Variants in NIF3L1 observed in about 807,000 individuals in gnomAD.
NIF3L1 encodes NIF3-like protein 1.
NIF3L1 carries 26 observed loss-of-function variants against 35.0 expected under a neutral mutation model. The ratio of observed to expected loss-of-function variants is 0.74; its 90% CI spans 0.54 to 1.03. The LOEUF is 1.03. NIF3L1 is among the 50% of genes least tolerant of loss of function. NIF3L1 has a pLI of 0.00. For missense variants in NIF3L1, 449 were observed against 466.3 expected (o/e 0.96, Z 0.34); for synonymous variants, 157 against 178.9 (o/e 0.88, Z 0.98).
Position 200,895,258 on chromosome 2 carries a change from C to A in NIF3L1, c.600-6C>A. 1.2e-6 allele frequency: 2 copies of A among 1,613,456 alleles called. No individual in the cohort carries two copies. Among genetic ancestry groups the A allele is most frequent in the Admixed American group, 3.3e-5 (2 of 60,006 alleles). On this transcript the variant is annotated splice_region_variant and splice_polypyrimidine_tract_variant and intron_variant, in intron 3 of 6. Transcript: ENST00000409020. ...TGTCCTAAATGGAGTGATTTTTCCC[C>A]CCTAGGACTGGTAATGAGGAACAAA...
At chr2:200,891,851 G>A (rs566179802) in intron 1 of NIF3L1, 67 bp from the exon 2 acceptor site, 30 of 976,004 alleles carry the variant, frequency 3.1e-5, no homozygotes, top group Middle Eastern at 2.2e-4. Context: ...TTGCCCATAT[G>A]TTTTGATGCC....
Position 200,889,407 on chromosome 2 carries a change from T to C in NIF3L1, c.-272T>C, listed in dbSNP as rs2040114146. The C allele has an allele frequency of 4.1e-6, 1 of 241,938 alleles. No homozygotes were observed. Among genetic ancestry groups the C allele is most frequent in the Non-Finnish European group, 8.4e-6 (1 of 118,666 alleles). 15.0% of individuals were successfully genotyped at this position (241,938 alleles called of 1,614,324 possible). On this transcript the variant is annotated 5_prime_UTR_variant, in exon 1 of 7. Transcript: ENST00000409020. The stretch of plus-strand genomic sequence containing the variant: ...TCCGGGACTGGTGAGTAGTGGGCGA[T>C]TTAAAAACCCGCGAGTGTAGTTGTG...
rs750278681 is a variant in NIF3L1 at position 200,895,372 on chromosome 2, A to T, written c.708A>T (p.Glu236Asp). The change falls in exon 4 of 7, where the codon GAA becomes GAT. Residue 236 changes from glutamate to aspartate, a missense_variant. Transcript: ENST00000409020. ...ACAAACAACTTTATCAGAAGACGGA[A>T]ATTCTGTCACTGGAGAAGGTAATAA... is the stretch of plus-strand genomic sequence containing the variant. ...SRNKQLYQKT[E>D]ILSLEKPLLL... The T allele has an allele frequency of 1.9e-6, 3 of 1,613,906 alleles. No homozygotes were observed. The highest frequency in any genetic ancestry group is 2.7e-5 in the African/African-American group (2 of 74,920).
intron 1 of NIF3L1, among the ~76,000 whole-genome samples, chr2:200,891,484 T>C (rs766520647): frequency 2.6e-5 from 4 of 152,060 alleles, no homozygotes; most frequent in Non-Finnish European, 5.9e-5. Context: ...GGAAGGATGC[T>C]GAAAAGGGAG....
In NIF3L1 at chr2:200,898,785, T is replaced by C. The variant is rs534086460; in HGVS notation, c.866-600T>C. Among the ~76,000 whole-genome samples, 4 of 152,318 alleles carry C rather than the reference T, an allele frequency of 2.6e-5. No homozygotes were observed. The South Asian group carries it at 6.2e-4, about 24-fold the overall frequency. ...CCAGAGGATGCTTTTTGAGAATAAATAGTATATTTAAAAATAGTGCCAAAT... is the reference window on the plus strand; with the variant it reads ...CCAGAGGATGCTTTTTGAGAATAAACAGTATATTTAAAAATAGTGCCAAAT... On this transcript the variant is annotated intron_variant, in intron 5 of 6. Coordinates refer to ENST00000409020, the MANE Select transcript of NIF3L1 (RefSeq NM_001369441.2).
chr2:200,896,041 C>T (rs1220760822), intron 4 of NIF3L1, among the ~76,000 whole-genome samples: 1 of 150,092 alleles, frequency 6.7e-6, no homozygotes, highest in Non-Finnish European at 1.5e-5. Flanking sequence ...CAAGTTTTCA[C>T]ATTCCTCCTT....
At chr2:200,903,082 A>G (rs2040435019) in intron 6 of NIF3L1, among the ~76,000 whole-genome samples, 1 of 152,138 alleles carries the variant, frequency 6.6e-6, no homozygotes, top group Non-Finnish European at 1.5e-5. Context: ...GCTCACTGCA[A>G]CCTCCAGGCC....
At chr2:200,890,994 C>G (rs2040176738) in intron 1 of NIF3L1, among the ~76,000 whole-genome samples, 2 of 145,232 alleles carry the variant, frequency 1.4e-5, no homozygotes, top group Admixed American at 1.4e-4. Context: ...GAGTGTTGCT[C>G]TCTCGCCAGG....
chr2:200,903,578 G>T lies in NIF3L1; in HGVS notation c.1034G>T (p.Gly345Val). ...ILCEHSNTER[G>V]FLSDLRDMLD... ...TGTGAACACAGCAACACTGAACGAGGCTTTCTTTCTGACCTTCGAGATATG... is the reference window on the plus strand; with the variant it reads ...TGTGAACACAGCAACACTGAACGAGTCTTTCTTTCTGACCTTCGAGATATG... Residue 345 changes from glycine (G) to valine (V), a missense_variant, in exon 7 of 7, where the codon GGC (glycine) becomes GTC (valine). Transcript: ENST00000409020. 6.2e-7 allele frequency: 1 copy of T among 1,613,988 alleles called. No individual in the cohort carries two copies. The highest frequency in any genetic ancestry group is 8.5e-7 in the Non-Finnish European group (1 of 1,179,894).
At position 200,892,314 on chromosome 2, in the gene NIF3L1, A is replaced by C. The variant is rs768502613; in HGVS notation, c.371A>C (p.Tyr124Ser). ...IRALENRVGI[Y>S]SPHTAYDAAP... ...GCTCTGGAGAACAGAGTCGGTATCT[A>C]CTCTCCTCATACAGCCTATGATGCT... is the stretch of plus-strand genomic sequence containing the variant. Residue 124 changes from tyrosine (Y) to serine (S), a missense_variant, in exon 2 of 7, where the codon TAC becomes TCC. Coordinates refer to ENST00000409020, the MANE Select transcript of NIF3L1 (RefSeq NM_001369441.2). 1.9e-6 allele frequency: 3 copies of C among 1,613,360 alleles called. No individual in the cohort carries two copies. The highest frequency in any genetic ancestry group is 1.1e-5 in the South Asian group (1 of 91,082).
intron 6 of NIF3L1, among the ~76,000 whole-genome samples, chr2:200,902,339 G>A (rs1184028534): frequency 6.6e-6 from 1 of 152,110 alleles, no homozygotes; most frequent in Non-Finnish European, 1.5e-5. Context: ...AGGCTGAGGC[G>A]GGCAGATCAC....
At chr2:200,899,286 G>A (rs1244059925) in intron 5 of NIF3L1, 99 bp from the exon 6 acceptor site, 11 of 865,840 alleles carry the variant, frequency 1.3e-5, no homozygotes, top group Non-Finnish European at 1.8e-5. Context: ...GAGACCAGGA[G>A]TGAAATCTGT....
chr2:200,903,305 TTC>T (rs1260892692), intron 6 of NIF3L1, among the ~76,000 whole-genome samples, 187 bp from the exon 7 acceptor site: 3 of 152,148 alleles, frequency 2.0e-5, no homozygotes, highest in Admixed American at 6.5e-5. Flanking sequence ...GCCCAGACTT[TTC>T]TCTCTTTTTA....
chr2:200,892,529 G>C, intron 2 of NIF3L1, 150 bp downstream of exon 2: 1 of 623,248 alleles, frequency 1.6e-6, no homozygotes, highest in Non-Finnish European at 2.6e-6. Context: ...GCTGAAATTT[G>C]GCAGTTAAAT....
chr2:200,902,689 T>C (rs1490388810), intron 6 of NIF3L1, among the ~76,000 whole-genome samples: 1 of 152,238 alleles, frequency 6.6e-6, no homozygotes, highest in East Asian at 1.9e-4. Flanking sequence ...AAAAATACTT[T>C]GTTTTTAACC....
intron 5 of NIF3L1, chr2:200,899,181 T>G (rs1004734166): frequency 9.7e-6 from 4 of 414,338 alleles, no homozygotes; most frequent in Non-Finnish European, 1.7e-5. Flanking sequence ...AACCATGCCT[T>G]GGGTTAGCTA....
intron 3 of NIF3L1, 101 bp from the exon 4 acceptor site, chr2:200,895,163 C>G (rs930121742): frequency 1.8e-6 from 2 of 1,128,896 alleles, no homozygotes; most frequent in Non-Finnish European, 2.6e-6. Flanking sequence ...ATCCTTGGTT[C>G]CACATAAATC....
chr2:200,889,881 C>T (rs907310724), intron 1 of NIF3L1, among the ~76,000 whole-genome samples: 1 of 152,176 alleles, frequency 6.6e-6, no homozygotes, highest in Non-Finnish European at 1.5e-5. Flanking sequence ...AGAGTCGGTG[C>T]TCTTAACCGC....
chr2:200,889,939 T>A (rs2040134242), intron 1 of NIF3L1, among the ~76,000 whole-genome samples: 1 of 152,206 alleles, frequency 6.6e-6, no homozygotes. Flanking sequence ...GCCATGTAGC[T>A]TCGCAGTTTC....
Sources: gnomAD v4.1 joint callset for allele counts (sites outside exome capture counted in the v4.1 genomes callset) on GRCh38, gnomAD v4.1.1 for gene constraint, MANE v1.5 for transcripts, NCBI Gene and HGNC (gene_info 2026-07-23, HGNC 2026-07-21) for gene names.